STRN: variants seen among roughly 807,000 people sequenced by gnomAD.
STRN encodes protein phosphatase 2 regulatory subunit B'''alpha.
STRN carries 53 observed loss-of-function variants against 96.3 expected under a neutral mutation model. That is an observed-to-expected ratio of 0.55 (90% CI 0.44 to 0.69). The LOEUF is 0.69. Among genes scored for constraint, STRN ranks in the 30% least tolerant of loss-of-function variants. STRN has a pLI of 0.00. For synonymous variants in STRN, 428 were observed against 355.9 expected (o/e 1.20, Z -2.28); for missense variants, 987 against 963.9 (o/e 1.02, Z -0.32).
At chr2:36,960,570 A>C (rs1665005187) in intron 1 of STRN, among the ~76,000 whole-genome samples, 1 of 152,242 alleles carries the variant, frequency 6.6e-6, no homozygotes, top group Admixed American at 6.5e-5. Context: ...GCCTCTGCTA[A>C]GTACTTTAAA....
chr2:36,908,526 G>A (rs1362712270), intron 3 of STRN, among the ~76,000 whole-genome samples: 1 of 152,170 alleles, frequency 6.6e-6, no homozygotes, highest in Non-Finnish European at 1.5e-5. Flanking sequence ...CAGGGGATTA[G>A]CGTACGGAGG....
chr2:36,938,233 C>A (rs1398870805), intron 1 of STRN, among the ~76,000 whole-genome samples: 1 of 151,994 alleles, frequency 6.6e-6, no homozygotes, highest in Admixed American at 6.6e-5. Context: ...CAAGATCAGC[C>A]TGGCTGACAT....
chr2:36,900,169 A>G (rs1669646152), intron 5 of STRN, among the ~76,000 whole-genome samples: 1 of 152,204 alleles, frequency 6.6e-6, no homozygotes. Context: ...TGCTGGGATT[A>G]TAGGCGTGAG....
chr2:36,916,057 C>T (rs372377880), intron 3 of STRN, 21 bp downstream of exon 3: 17 of 1,597,102 alleles, frequency 1.1e-5, no homozygotes, highest in Non-Finnish European at 1.4e-5. Context: ...AACACTTAAA[C>T]TTCCATTAAA....
At chr2:36,949,663 T>C (rs536394141) in intron 1 of STRN, among the ~76,000 whole-genome samples, 37 of 152,084 alleles carry the variant, frequency 2.4e-4, no homozygotes, top group Admixed American at 2.2e-3. Flanking sequence ...AAGTGAAAGG[T>C]TGAGTGAAAG....
chr2:36,856,488 G>A (rs1284047487), intron 14 of STRN, among the ~76,000 whole-genome samples: 1 of 152,052 alleles, frequency 6.6e-6, no homozygotes, highest in Non-Finnish European at 1.5e-5. Flanking sequence ...TAACACAAAT[G>A]AATTTCCAAA....
At chr2:36,965,197 A>C (rs1329563589) in intron 1 of STRN, among the ~76,000 whole-genome samples, 1 of 152,102 alleles carries the variant, frequency 6.6e-6, no homozygotes, top group Non-Finnish European at 1.5e-5. Flanking sequence ...TTGCCAACTA[A>C]AACTATACTC....
At chr2:36,889,672 C>A (rs545469538) in intron 7 of STRN, among the ~76,000 whole-genome samples, 28 of 151,742 alleles carry the variant, frequency 1.8e-4, no homozygotes, top group Admixed American at 1.7e-3. Flanking sequence ...CCCTTAAAAT[C>A]GTTTAAATGT....
At chr2:36,863,088 CAT>C (rs1187967192) in intron 12 of STRN, among the ~76,000 whole-genome samples, 8 of 152,186 alleles carry the variant, frequency 5.3e-5, no homozygotes, top group Middle Eastern at 3.4e-3. Context: ...TTGTCAGATT[CAT>C]AGTTTGCAAA....
rs114072498 is a variant in STRN, at chr2:36,963,390, G to A, written c.234+2840C>T. On this transcript the variant is annotated intron_variant, in intron 1 of 17. Transcript: ENST00000263918. ...AAATTAAAAGGAGGACACCAACTGA[G>A]CCGTATTTCATCACAACGCATTCAA... 3.2e-3 allele frequency among the ~76,000 whole-genome samples: 490 copies of A among 152,278 alleles called. 1 individual carries two copies. Among genetic ancestry groups the A allele is most frequent in the African/African-American group, 0.011 (451 of 41,560 alleles).
intron 1 of STRN, among the ~76,000 whole-genome samples, chr2:36,959,614 T>C (rs1392546170): frequency 3.9e-5 from 6 of 152,044 alleles, no homozygotes; most frequent in Non-Finnish European, 7.4e-5. Flanking sequence ...CAGAAGGAGG[T>C]GATTCAAATT....
rs1668444115 is a variant in STRN at position 36,860,311 on chromosome 2, AG to A, written c.1669+820del. Among the ~76,000 whole-genome samples the A allele has an allele frequency of 3.9e-5, 6 of 152,190 alleles. No individual in the cohort carries two copies. In the South Asian group the frequency reaches 1.0e-3, roughly 26 times the overall value. On this transcript the variant is annotated intron_variant, in intron 13 of 17. Transcript: ENST00000263918. Reference sequence around the variant, plus strand: ...AGGGACAGTTGATCCTCTGGCAGAGAGGTAAAGGAAGTAAGGAAAGACATGG... The same window carrying A: ...AGGGACAGTTGATCCTCTGGCAGAGAGTAAAGGAAGTAAGGAAAGACATGG...
intron 12 of STRN, among the ~76,000 whole-genome samples, chr2:36,864,163 G>A (rs117822483): frequency 1.3e-5 from 2 of 152,220 alleles, no homozygotes; most frequent in Non-Finnish European, 2.9e-5. Context: ...TTGCCTGACT[G>A]CTCTGGCTAG....
Position 36,852,119 on chromosome 2 carries a change from G to A in STRN, c.1979-1012C>T, listed in dbSNP as rs530773104. Among the ~76,000 whole-genome samples the A allele has an allele frequency of 4.6e-5, 7 of 152,284 alleles. No homozygotes were observed. In the South Asian group the frequency reaches 1.5e-3, roughly 32 times the overall value. On this transcript the variant is annotated intron_variant, in intron 15 of 17. Transcript: ENST00000263918. Reference sequence around the variant, plus strand: ...CTAACTTCTGACTCTCTCCCAACCTGATGGTTCATGCAGATCACACAACTG... The same window carrying A: ...CTAACTTCTGACTCTCTCCCAACCTAATGGTTCATGCAGATCACACAACTG...
chr2:36,962,695 G>C (rs192256425), intron 1 of STRN, among the ~76,000 whole-genome samples: 251 of 152,228 alleles, frequency 1.6e-3, no homozygotes, highest in Non-Finnish European at 3.0e-3. Flanking sequence ...TTTTAGCAGA[G>C]ACAAGGTTTC....
chr2:36,856,588 T>G (rs1668346707), intron 14 of STRN, among the ~76,000 whole-genome samples: 1 of 152,106 alleles, frequency 6.6e-6, no homozygotes, highest in South Asian at 2.1e-4. Flanking sequence ...AACTAATCTA[T>G]GATGAAAGAA....
intron 2 of STRN, among the ~76,000 whole-genome samples, chr2:36,916,486 C>G (rs1251133220): frequency 7.0e-6 from 1 of 142,838 alleles, no homozygotes; most frequent in Admixed American, 7.0e-5. Context: ...ATTTTACTAT[C>G]AAAAACAGTT....
chr2:36,862,889 C>A (rs549489206), intron 12 of STRN, among the ~76,000 whole-genome samples: 27 of 152,226 alleles, frequency 1.8e-4, no homozygotes, highest in African/African-American at 5.5e-4. Flanking sequence ...GCGCCCACCA[C>A]CACGCCCGTC....
chr2:36,959,087 G>A (rs1321948146), intron 1 of STRN, among the ~76,000 whole-genome samples: 1 of 152,208 alleles, frequency 6.6e-6, no homozygotes, highest in African/African-American at 2.4e-5. Flanking sequence ...CTGCACTCCA[G>A]CCTGGGCGAC....
Sources: allele counts gnomAD v4.1 joint callset (sites outside exome capture counted in the v4.1 genomes callset), GRCh38; gene constraint gnomAD v4.1.1; transcripts MANE v1.5; gene names NCBI Gene and HGNC (gene_info 2026-07-23, HGNC 2026-07-21).